VKORC1L1: variants seen among roughly 807,000 people sequenced by gnomAD.
VKORC1L1 encodes the protein vitamin K epoxide reductase complex subunit 1L1, also known as vitamin K epoxide reductase complex subunit 1-like protein 1.
Under a neutral mutation model 18.9 loss-of-function variants are expected in VKORC1L1, and 2 were observed. The ratio of observed to expected loss-of-function variants is 0.11; its 90% CI spans 0.04 to 0.33. The LOEUF is 0.33. Ranked by LOEUF, VKORC1L1 falls within the 10% of genes least tolerant of loss-of-function variation. The pLI is 1.00. For missense variants in VKORC1L1, 123 were observed against 224.1 expected, an observed-to-expected ratio of 0.55 and a Z score of 2.88; for synonymous variants, 96 against 100.0, an observed-to-expected ratio of 0.96 and a Z score of 0.24.
At chr7:65,881,474 G>A (rs1199412765) in intron 1 of VKORC1L1, among the ~76,000 whole-genome samples, 1 of 152,120 alleles carries the variant, frequency 6.6e-6, no homozygotes, top group Non-Finnish European at 1.5e-5. Flanking sequence ...CAGATTTAGT[G>A]GTTGCTAGGA....
intron 1 of VKORC1L1, among the ~76,000 whole-genome samples, chr7:65,920,527 G>C (rs1171631110): frequency 6.6e-6 from 1 of 152,100 alleles, no homozygotes; most frequent in Non-Finnish European, 1.5e-5. Context: ...TGAGATAGAA[G>C]CTCTTGAGAA....
At chr7:65,892,634 A>T (rs1367223411) in intron 1 of VKORC1L1, among the ~76,000 whole-genome samples, 3 of 152,308 alleles carry the variant, frequency 2.0e-5, no homozygotes, top group East Asian at 3.9e-4. Flanking sequence ...ATTTAGATCA[A>T]CAATCTCTGG....
intron 1 of VKORC1L1, among the ~76,000 whole-genome samples, chr7:65,907,068 G>C (rs1291823812): frequency 6.6e-6 from 1 of 152,140 alleles, no homozygotes; most frequent in African/African-American, 2.4e-5. Context: ...ATCAGCCCCA[G>C]TTTTAAGGAT....
chr7:65,916,223 T>C (rs1789587423), intron 1 of VKORC1L1, among the ~76,000 whole-genome samples: 1 of 152,150 alleles, frequency 6.6e-6, no homozygotes, highest in Admixed American at 6.5e-5. Flanking sequence ...TTTTTCTCTT[T>C]ATTTGCCAGT....
chr7:65,954,384 A>ATTG lies in VKORC1L1; in HGVS notation c.*86_*87insGTT, dbSNP rs1293772168. The stretch of plus-strand genomic sequence containing the variant: ...GCAGGTTTTTATTATTATTATTATT[A>ATTG]TTATTATTCACAACAGACACTTTCC... On this transcript the variant is annotated 3_prime_UTR_variant, in exon 3 of 3. Transcript: ENST00000360768. 6.8e-7 allele frequency: 1 copy of ATTG among 1,479,890 alleles called. No individual in the cohort carries two copies. The highest frequency in any genetic ancestry group is 1.4e-5 in the African/African-American group (1 of 70,286). 91.7% of individuals were successfully genotyped at this position (1,479,890 alleles called of 1,614,324 possible).
chr7:65,947,750 G>A (rs1790145668), intron 1 of VKORC1L1, among the ~76,000 whole-genome samples: 3 of 151,822 alleles, frequency 2.0e-5, no homozygotes, highest in Non-Finnish European at 1.5e-5. Context: ...GAGTGCAGTG[G>A]TGCAGTCTCG....
At chr7:65,925,053 C>G (rs1475618815) in intron 1 of VKORC1L1, among the ~76,000 whole-genome samples, 1 of 152,190 alleles carries the variant, frequency 6.6e-6, no homozygotes, top group African/African-American at 2.4e-5. Context: ...TCCCTGAACA[C>G]TCTTCTTCAT....
intron 1 of VKORC1L1, among the ~76,000 whole-genome samples, chr7:65,896,376 G>T (rs1789212491): frequency 6.6e-6 from 1 of 152,056 alleles, no homozygotes; most frequent in Admixed American, 6.6e-5. Context: ...CATGTTTGGT[G>T]GACATAAATA....
At chr7:65,921,608 G>A (rs1203473988) in intron 1 of VKORC1L1, among the ~76,000 whole-genome samples, 1 of 152,152 alleles carries the variant, frequency 6.6e-6, no homozygotes, top group Non-Finnish European at 1.5e-5. Flanking sequence ...CAACACTTTG[G>A]GAGGCCAAGA....
At chr7:65,900,303 T>C (rs1198309983) in intron 1 of VKORC1L1, among the ~76,000 whole-genome samples, 1 of 150,056 alleles carries the variant, frequency 6.7e-6, no homozygotes. Context: ...GGCAGGAGAA[T>C]GGCATGAACC....
chr7:65,890,146 T>C (rs945631487), intron 1 of VKORC1L1, among the ~76,000 whole-genome samples: 3 of 149,000 alleles, frequency 2.0e-5, no homozygotes, highest in Non-Finnish European at 4.5e-5. Flanking sequence ...TTTTTTTTTT[T>C]TTGAGACAGA....
rs922111081 is a variant in VKORC1L1, at chr7:65,954,659, C to T, written c.*359C>T. The T allele has an allele frequency of 3.4e-6, 1 of 292,652 alleles. No homozygotes were observed. Among genetic ancestry groups the T allele is most frequent in the Admixed American group, 4.6e-5 (1 of 21,816 alleles). The allele number at this position is 292,652 out of a possible 1,614,324, so 18.1% of individuals were successfully genotyped here. On this transcript the variant is annotated 3_prime_UTR_variant, in exon 3 of 3. Coordinates refer to ENST00000360768, the MANE Select transcript of VKORC1L1 (RefSeq NM_173517.6). ...TGTATAAATTCAATTTCAGGTATAA[C>T]AAATGTGATCATGACATGAAAATAT...
intron 1 of VKORC1L1, among the ~76,000 whole-genome samples, chr7:65,898,409 G>T (rs1398076913): frequency 2.6e-5 from 4 of 152,024 alleles, no homozygotes; most frequent in African/African-American, 9.7e-5. Flanking sequence ...AAAGGAGTAA[G>T]GCAGTTGTAT....
At chr7:65,949,051 G>T (rs571515574) in intron 2 of VKORC1L1, among the ~76,000 whole-genome samples, 13 of 152,202 alleles carry the variant, frequency 8.5e-5, no homozygotes, top group African/African-American at 2.9e-4. Flanking sequence ...CATCTTCCCT[G>T]TTAACGTTTT....
intron 1 of VKORC1L1, among the ~76,000 whole-genome samples, chr7:65,888,220 C>G (rs1489141269): frequency 6.6e-6 from 1 of 152,094 alleles, no homozygotes; most frequent in East Asian, 1.9e-4. Context: ...TCACTGTTTT[C>G]AAGTCTATAG....
At chr7:65,902,996 A>AT (rs1789344666) in intron 1 of VKORC1L1, among the ~76,000 whole-genome samples, 1 of 151,832 alleles carries the variant, frequency 6.6e-6, no homozygotes, top group Non-Finnish European at 1.5e-5. Flanking sequence ...CCTACTGAGT[A>AT]GCTGGGATTA....
At chr7:65,875,665 C>T (rs1180751368) in intron 1 of VKORC1L1, among the ~76,000 whole-genome samples, 7 of 150,650 alleles carry the variant, frequency 4.6e-5, no homozygotes, top group African/African-American at 1.7e-4. Context: ...GATCCGCCCT[C>T]CTCGGCCTCC....
At chr7:65,916,412 C>A (rs1789590313) in intron 1 of VKORC1L1, among the ~76,000 whole-genome samples, 1 of 152,046 alleles carries the variant, frequency 6.6e-6, no homozygotes, top group Admixed American at 6.6e-5. Context: ...CTTCCATCGC[C>A]TTCGATAGCT....
intron 1 of VKORC1L1, among the ~76,000 whole-genome samples, chr7:65,874,215 C>T (rs116418804): frequency 0.016 from 2,419 of 152,164 alleles, 50 homozygotes; most frequent in East Asian, 0.087. Flanking sequence ...CCGCACTTAA[C>T]ATATCTGATT....
Sources: allele counts gnomAD v4.1 joint callset (sites outside exome capture counted in the v4.1 genomes callset), GRCh38; gene constraint gnomAD v4.1.1; transcripts MANE v1.5; gene names NCBI Gene and HGNC (gene_info 2026-07-23, HGNC 2026-07-21).